Variants in TMEM272 observed in about 807,000 individuals in gnomAD.
The protein encoded by TMEM272 is long intergenic non-protein coding RNA 282.
In TMEM272, 8 loss-of-function variants were observed where a neutral mutation model predicts 3.7. That is an observed-to-expected ratio of 2.17 (90% CI 1.27 to 3.91). The LOEUF is 3.91. TMEM272 is among the 30% of genes most tolerant of loss of function. TMEM272 has a pLI of 0.00. For synonymous variants in TMEM272, 63 were observed against 39.8 expected (o/e 1.58, Z -2.20); for missense variants, 166 against 91.5 (o/e 1.81, Z -3.32).
chr13:51,852,026 G>A, the TMEM272 span, among the ~76,000 whole-genome samples: 3 of 152,280 alleles, frequency 2.0e-5, no homozygotes, highest in Admixed American at 2.0e-4. Flanking sequence ...GGAATTGCTG[G>A]GTGAAAAGGC....
chr13:51,839,431 CTCCATGGGGGCTGGCTGA>C (rs928731075), intron 1 of TMEM272, among the ~76,000 whole-genome samples: 75 of 152,240 alleles, frequency 4.9e-4, no homozygotes, highest in African/African-American at 1.6e-3. Flanking sequence ...GGAGTAAGGC[CTCCATGGGGGCTGGCTGA>C]TCCAGGCGGG....
At chr13:51,836,723 T>C (rs1956219506) in intron 2 of TMEM272, among the ~76,000 whole-genome samples, 1 of 152,218 alleles carries the variant, frequency 6.6e-6, no homozygotes, top group South Asian at 2.1e-4. Context: ...CTATTGATGA[T>C]TCTTGCCTGA....
chr13:51,852,161 T>A, the TMEM272 span, among the ~76,000 whole-genome samples: 1 of 152,392 alleles, frequency 6.6e-6, no homozygotes, highest in East Asian at 1.9e-4. Flanking sequence ...CAGAGTGTAT[T>A]GTCAAACTTT....
intron 3 of TMEM272, among the ~76,000 whole-genome samples, chr13:51,822,648 C>T (rs1956089902): frequency 6.6e-6 from 1 of 152,204 alleles, no homozygotes; most frequent in South Asian, 2.1e-4. Flanking sequence ...GCAGCAAGCC[C>T]TCTGCCGTGT....
intron 3 of TMEM272, 116 bp downstream of exon 3, chr13:51,826,450 C>T (rs1956126307): frequency 3.1e-6 from 2 of 648,208 alleles, no homozygotes; most frequent in Non-Finnish European, 5.6e-6. Context: ...GTCTGGGAAT[C>T]ATCGGGCTGG....
At chr13:51,919,811 T>C in the TMEM272 span, among the ~76,000 whole-genome samples, 1 of 152,382 alleles carries the variant, frequency 6.6e-6, no homozygotes, top group Admixed American at 6.5e-5. Context: ...ACCGTCCCTG[T>C]GACATTTTCT....
chr13:51,834,025 G>C (rs894241664), intron 2 of TMEM272, among the ~76,000 whole-genome samples: 2 of 152,180 alleles, frequency 1.3e-5, no homozygotes, highest in African/African-American at 4.8e-5. Flanking sequence ...GAAGCACCTA[G>C]GGAGGCGGCA....
In TMEM272 at chr13:51,813,619, C is replaced by T. The variant is rs879141937; in HGVS notation, c.*3132G>A. On this transcript the variant is annotated 3_prime_UTR_variant, in exon 5 of 5. Coordinates refer to ENST00000629372, the MANE Select transcript of TMEM272 (RefSeq NM_001351003.2). ...CCACCGAATCAGAACCAGCTGGGCC[C>T]CACAAGTCAGTCTCTGGGGGCTGTG... 3.8e-5 allele frequency: 8 copies of T among 212,196 alleles called. No individual in the cohort carries two copies. Among genetic ancestry groups the T allele is most frequent in the Non-Finnish European group, 2.8e-5 (3 of 108,070 alleles). 13.1% of individuals were successfully genotyped at this position (212,196 alleles called of 1,614,324 possible).
At chr13:51,849,038 C>T (rs763236620), upstream of TMEM272, among the ~76,000 whole-genome samples, 164 of 152,106 alleles carry the variant, frequency 1.1e-3, 1 homozygote, top group Non-Finnish European at 2.1e-4. Flanking sequence ...CGACTTCTAC[C>T]TGAGTCAAAA....
At chr13:51,819,949 G>C (rs1420112350) in intron 4 of TMEM272, among the ~76,000 whole-genome samples, 2 of 152,164 alleles carry the variant, frequency 1.3e-5, no homozygotes, top group Non-Finnish European at 2.9e-5. Context: ...TGTTGGCTTA[G>C]AGAAGTCCTG....
chr13:51,879,849 T>G, the TMEM272 span, among the ~76,000 whole-genome samples: 1 of 152,152 alleles, frequency 6.6e-6, no homozygotes, highest in Non-Finnish European at 1.5e-5. Context: ...TGGTTAGGAA[T>G]GTGGAGAAAG....
the TMEM272 span, chr13:51,932,839 TA>T: frequency 6.6e-6 from 1 of 152,184 alleles, no homozygotes; most frequent in Non-Finnish European, 1.5e-5. Flanking sequence ...TTTATGGTCC[TA>T]AAAGTTTTAA....
chr13:51,858,858 A>G, the TMEM272 span, among the ~76,000 whole-genome samples: 1 of 152,110 alleles, frequency 6.6e-6, no homozygotes, highest in Non-Finnish European at 1.5e-5. Flanking sequence ...CCCTGCAAAC[A>G]GTGAGAACTT....
chr13:51,831,458 G>A (rs967881598), intron 2 of TMEM272, among the ~76,000 whole-genome samples: 5 of 152,176 alleles, frequency 3.3e-5, no homozygotes, highest in Admixed American at 6.5e-5. Flanking sequence ...TCAGGTGATC[G>A]TAGCCTGTTT....
chr13:51,848,607 CAA>C (rs546168868), upstream of TMEM272, among the ~76,000 whole-genome samples: 193 of 152,188 alleles, frequency 1.3e-3, no homozygotes, highest in African/African-American at 4.6e-3. Context: ...AATTTTGATG[CAA>C]AAGAGTAGTG....
At chr13:51,927,463 A>ATG in the TMEM272 span, among the ~76,000 whole-genome samples, 3 of 152,220 alleles carry the variant, frequency 2.0e-5, no homozygotes, top group African/African-American at 7.2e-5. Context: ...TCTAAAGGTG[A>ATG]TGTAATTCTG....
chr13:51,919,422 CTCT>C, the TMEM272 span, among the ~76,000 whole-genome samples: 1 of 152,194 alleles, frequency 6.6e-6, no homozygotes, highest in Non-Finnish European at 1.5e-5. Flanking sequence ...AGACCCCATT[CTCT>C]TCTCTTGCTC....
At chr13:51,861,201 G>A in the TMEM272 span, among the ~76,000 whole-genome samples, 18 of 152,252 alleles carry the variant, frequency 1.2e-4, no homozygotes, top group South Asian at 2.5e-3. Context: ...CAGCTGCTAC[G>A]TGTGGGGAGT....
chr13:51,893,970 C>A, the TMEM272 span, among the ~76,000 whole-genome samples: 1 of 152,090 alleles, frequency 6.6e-6, no homozygotes, highest in Non-Finnish European at 1.5e-5. Context: ...ATATGCAGAG[C>A]AAAGAAGGAA....
Sources: allele counts gnomAD v4.1 joint callset (sites outside exome capture counted in the v4.1 genomes callset), GRCh38; gene constraint gnomAD v4.1.1; transcripts MANE v1.5; gene names NCBI Gene and HGNC (gene_info 2026-07-23, HGNC 2026-07-21).